Variants in SAMD3 observed in about 807,000 individuals in gnomAD.
SAMD3 encodes the protein sterile alpha motif domain containing 3.
Under a neutral mutation model 58.5 loss-of-function variants are expected in SAMD3, and 63 were observed. The observed-to-expected ratio is 1.08, with a 90% CI of 0.88 to 1.33. The LOEUF is 1.33. Ranked by LOEUF, SAMD3 falls within the 40% of genes most tolerant of loss-of-function variation. The pLI, the probability that SAMD3 is intolerant of heterozygous loss-of-function variation, is 0.00. For missense variants in SAMD3, 604 were observed against 608.4 expected (o/e 0.99, Z 0.08); for synonymous variants, 220 against 210.3 (o/e 1.05, Z -0.40).
intron 8 of SAMD3, among the ~76,000 whole-genome samples, chr6:130,156,840 G>A (rs141146317): frequency 5.9e-5 from 9 of 152,142 alleles, no homozygotes; most frequent in Admixed American, 6.6e-5. Context: ...AGGCCGAGGC[G>A]GGTGGATCAC....
intron 2 of SAMD3, among the ~76,000 whole-genome samples, chr6:130,271,832 G>A (rs1011787529): frequency 1.3e-5 from 2 of 152,198 alleles, no homozygotes; most frequent in Non-Finnish European, 2.9e-5. Context: ...CATGGTGGCA[G>A]GCAAGAGCGT....
intron 1 of SAMD3, among the ~76,000 whole-genome samples, chr6:130,332,672 G>C (rs1583118574): frequency 6.6e-6 from 1 of 152,218 alleles, no homozygotes; most frequent in South Asian, 2.1e-4. Context: ...ATGCAGCTAA[G>C]TAGGCTAAGG....
At chr6:130,286,882 G>A (rs556761597) in intron 2 of SAMD3, among the ~76,000 whole-genome samples, 1 of 152,226 alleles carries the variant, frequency 6.6e-6, no homozygotes, top group East Asian at 1.9e-4. Flanking sequence ...GCTAATTTTT[G>A]TATTTTTAGT....
At chr6:130,252,090 A>T (rs1019611773) in intron 2 of SAMD3, among the ~76,000 whole-genome samples, 1 of 151,920 alleles carries the variant, frequency 6.6e-6, no homozygotes, top group Admixed American at 6.6e-5. Flanking sequence ...TGTTTCATGC[A>T]TATATATTTA....
chr6:130,157,197 T>C (rs1016708033), intron 8 of SAMD3, among the ~76,000 whole-genome samples: 4 of 151,840 alleles, frequency 2.6e-5, no homozygotes, highest in African/African-American at 7.2e-5. Flanking sequence ...AATTAACTAA[T>C]TAAAGATGAA....
At chr6:130,228,459 G>A (rs1428633715) in intron 2 of SAMD3, among the ~76,000 whole-genome samples, 1 of 152,154 alleles carries the variant, frequency 6.6e-6, no homozygotes, top group Non-Finnish European at 1.5e-5. Context: ...GGAATGGTTC[G>A]ATTCTTACCT....
intron 8 of SAMD3, among the ~76,000 whole-genome samples, chr6:130,170,691 T>C (rs1791170482): frequency 6.6e-6 from 1 of 152,228 alleles, no homozygotes; most frequent in African/African-American, 2.4e-5. Flanking sequence ...CCTAGGTATT[T>C]TATTCTCTTT....
At chr6:130,233,906 T>C (rs139151009) in intron 2 of SAMD3, among the ~76,000 whole-genome samples, 2 of 152,348 alleles carry the variant, frequency 1.3e-5, no homozygotes, top group Non-Finnish European at 2.9e-5. Context: ...AACCTGAATA[T>C]AGCCCCATAC....
intron 1 of SAMD3, among the ~76,000 whole-genome samples, chr6:130,327,772 C>A (rs538089528): frequency 6.6e-6 from 1 of 152,092 alleles, no homozygotes; most frequent in African/African-American, 2.4e-5. Flanking sequence ...TACTTTTTAA[C>A]ATTTTGTCAT....
intron 5 of SAMD3, among the ~76,000 whole-genome samples, chr6:130,197,889 G>C (rs568187182): frequency 6.6e-6 from 1 of 151,950 alleles, no homozygotes; most frequent in Non-Finnish European, 1.5e-5. Flanking sequence ...CCAGATGGCC[G>C]GTTCCTGCCT....
At chr6:130,181,971 A>T (rs1562407445) in intron 7 of SAMD3, among the ~76,000 whole-genome samples, 1 of 151,368 alleles carries the variant, frequency 6.6e-6, no homozygotes. Flanking sequence ...AGGCTGAGGC[A>T]GGAGAATGGC....
intron 2 of SAMD3, among the ~76,000 whole-genome samples, chr6:130,296,882 G>C (rs1775588025): frequency 6.6e-6 from 1 of 152,112 alleles, no homozygotes; most frequent in South Asian, 2.1e-4. Context: ...GTGTGATAGG[G>C]AAGTGGATCA....
At chr6:130,286,964 C>A (rs955556298) in intron 2 of SAMD3, among the ~76,000 whole-genome samples, 1 of 152,216 alleles carries the variant, frequency 6.6e-6, no homozygotes, top group Admixed American at 6.5e-5. Flanking sequence ...CCTGCCTCGG[C>A]CTCCCAAAGT....
intron 2 of SAMD3, among the ~76,000 whole-genome samples, chr6:130,256,455 C>A (rs1773930068): frequency 6.6e-6 from 1 of 152,128 alleles, no homozygotes; most frequent in South Asian, 2.1e-4. Flanking sequence ...AAATAAAATA[C>A]TTTTTAAAAT....
chr6:130,357,831 T>G (rs1170466571), intron 1 of SAMD3, among the ~76,000 whole-genome samples: 3 of 152,356 alleles, frequency 2.0e-5, no homozygotes, highest in South Asian at 4.1e-4. Context: ...ATGAGTATGT[T>G]TGGGTAAACT....
intron 9 of SAMD3, among the ~76,000 whole-genome samples, chr6:130,151,761 A>G (rs1422286974): frequency 1.3e-5 from 2 of 151,738 alleles, no homozygotes; most frequent in Non-Finnish European, 2.9e-5. Context: ...ATTTTTTGAG[A>G]CTTTATTAGC....
chr6:130,292,239 A>G (rs12198460), intron 2 of SAMD3, among the ~76,000 whole-genome samples: 41,310 of 149,678 alleles, frequency 0.28, 6,140 homozygotes, highest in East Asian at 0.44. Context: ...AGGTGATTCA[A>G]TTCTCAGGAA....
At chr6:130,271,985 T>C (rs1774581015) in intron 2 of SAMD3, among the ~76,000 whole-genome samples, 1 of 152,218 alleles carries the variant, frequency 6.6e-6, no homozygotes, top group Non-Finnish European at 1.5e-5. Flanking sequence ...ATTATTACAA[T>C]TCAAGGTAAG....
intron 5 of SAMD3, among the ~76,000 whole-genome samples, chr6:130,200,072 C>T (rs1431854175): frequency 6.6e-6 from 1 of 151,918 alleles, no homozygotes; most frequent in Non-Finnish European, 1.5e-5. Context: ...CCTCGGGAGT[C>T]TTTGGGGCCC....
Sources: allele counts gnomAD v4.1 joint callset (sites outside exome capture counted in the v4.1 genomes callset), GRCh38; gene constraint gnomAD v4.1.1; transcripts MANE v1.5; gene names NCBI Gene and HGNC (gene_info 2026-07-23, HGNC 2026-07-21).